The following HMG20B variants were observed in gnomAD, a reference collection of about 807,000 sequenced individuals.
HMG20B encodes the protein SWI/SNF-related matrix-associated actin-dependent regulator of chromatin subfamily E member 1-related.
Under a neutral mutation model 41.6 loss-of-function variants are expected in HMG20B, and 24 were observed. The observed-to-expected ratio is 0.58, with a 90% confidence interval of 0.42 to 0.81. The LOEUF (loss-of-function observed/expected upper bound fraction) is 0.81, where lower values mean the gene tolerates loss of function less well. Among genes scored for constraint, HMG20B ranks in the 30% least tolerant of loss-of-function variants. The pLI is 0.00. For synonymous variants in HMG20B, 251 were observed against 186.6 expected, an observed-to-expected ratio of 1.34 and a Z score of -2.81; for missense variants, 461 against 444.0, an observed-to-expected ratio of 1.04 and a Z score of -0.34.
Position 3,576,339 on chromosome 19 carries a change from G to T in HMG20B, c.519+32G>T, listed in dbSNP as rs757155458. On this transcript the variant is annotated intron_variant, in intron 6 of 9. Coordinates refer to ENST00000333651, the MANE Select transcript of HMG20B (RefSeq NM_006339.3). The stretch of plus-strand genomic sequence containing the variant: ...GACCTTCTTCCTCTCAAAGCACCTG[G>T]GGGAGAAAGGTCTGGAGGCTTCTAG... 4.0e-5 allele frequency: 65 copies of T among 1,607,304 alleles called. No homozygotes were observed. In the South Asian group the frequency reaches 5.8e-4, roughly 14 times the overall value.
intron 1 of HMG20B, 44 bp downstream of exon 1, chr19:3,573,038 G>C: frequency 2.3e-6 from 1 of 431,040 alleles, no homozygotes; most frequent in Non-Finnish European, 4.2e-6. Flanking sequence ...GGGGGCGGGG[G>C]TGCAGGGGTC....
chr19:3,573,288 C>G lies in HMG20B; in HGVS notation c.-18-4C>G. On this transcript the variant is annotated splice_polypyrimidine_tract_variant and splice_region_variant and intron_variant, in intron 1 of 9. Coordinates refer to ENST00000333651, the MANE Select transcript of HMG20B (RefSeq NM_006339.3). ...ACTCACCTCCGCCCGCGTCCGTGTT[C>G]CAGGTCCGGCCCGGAGCGGCCATGT... 6.6e-7 allele frequency: 1 copy of G among 1,521,658 alleles called. No individual in the cohort carries two copies. Among genetic ancestry groups the G allele is most frequent in the Non-Finnish European group, 8.8e-7 (1 of 1,138,440 alleles). 94.3% of individuals were successfully genotyped at this position (1,521,658 alleles called of 1,614,324 possible).
chr19:3,575,955 A>T (rs905610858), intron 5 of HMG20B: 2 of 505,008 alleles, frequency 4.0e-6, no homozygotes, highest in Non-Finnish European at 7.0e-6. Flanking sequence ...AAAAAAAAAA[A>T]AAAAGAAAAA....
chr19:3,576,843 G>A (rs760220093), intron 7 of HMG20B, 49 bp from the exon 8 acceptor site: 3 of 1,539,928 alleles, frequency 1.9e-6, no homozygotes, highest in Non-Finnish European at 1.8e-6. Flanking sequence ...AAGCCCGGAG[G>A]TAGGGGAAAG....
rs1158650350 is a variant in HMG20B, at chr19:3,575,618, A to C, written c.430A>C (p.Lys144Gln). The C allele has an allele frequency of 1.9e-6, 3 of 1,552,026 alleles. No individual in the cohort carries two copies. In the East Asian group the frequency reaches 7.3e-5, roughly 38 times the overall value. The change falls in exon 5 of 10, where the codon AAG becomes CAG. Residue 144 changes from lysine (K) to glutamine (Q), a missense_variant. Lys to Gln is a moderately conservative substitution (Grantham distance 53). Coordinates refer to ENST00000333651, the MANE Select transcript of HMG20B (RefSeq NM_006339.3). ...LRAYQQSEAY[K>Q]MCTEKIQEKK... ...GGCGTACCAGCAGTCTGAAGCCTAT[A>C]AGATGTGCACGGAGAAGATCCAGGA...
At chr19:3,577,170 C>CT (rs2032184388) in intron 8 of HMG20B, 63 bp downstream of exon 8, 17 of 1,167,128 alleles carry the variant, frequency 1.5e-5, no homozygotes, top group Admixed American at 2.9e-5. Flanking sequence ...CCTCCCCCCC[C>CT]CTCCTCCCTT....
At chr19:3,574,085 CCAG>C (rs1423948237) in intron 3 of HMG20B, 11 of 638,230 alleles carry the variant, frequency 1.7e-5, no homozygotes, top group Non-Finnish European at 2.8e-5. Context: ...GGCCCGTTCT[CCAG>C]CAGAAAACCA....
chr19:3,576,228 G>A, intron 5 of HMG20B, 33 bp from the exon 6 acceptor site: 1 of 1,611,004 alleles, frequency 6.2e-7, no homozygotes, highest in Non-Finnish European at 8.5e-7. Context: ...GGAGGCCTGG[G>A]AGGCTGACCC....
At chr19:3,574,044 T>G in intron 3 of HMG20B, 1 of 659,152 alleles carries the variant, frequency 1.5e-6, no homozygotes, top group Non-Finnish European at 2.7e-6. Flanking sequence ...CTTCCACTCC[T>G]TGGGGGCGGC....
intron 7 of HMG20B, 57 bp downstream of exon 7, chr19:3,576,682 G>T: frequency 6.6e-7 from 1 of 1,507,400 alleles, no homozygotes; most frequent in Middle Eastern, 1.7e-4. Flanking sequence ...GTAGAGGGGG[G>T]CGTGGGCCAG....
At chr19:3,577,506 C>A (rs1387910681) in intron 8 of HMG20B, among the ~76,000 whole-genome samples, 1 of 146,610 alleles carries the variant, frequency 6.8e-6, no homozygotes, top group Non-Finnish European at 1.5e-5. Context: ...CCTACCGGCC[C>A]CACCGTCGCT....
chr19:3,573,701 C>T lies in HMG20B; in HGVS notation c.48C>T (p.Gly16=). Residue 16 remains glycine, a synonymous_variant, in exon 3 of 10, where the codon GGC becomes GGT. Coordinates refer to ENST00000333651, the MANE Select transcript of HMG20B (RefSeq NM_006339.3). ...GTATCCTTGGCTCCAGGCCGGCGGGCGGCAAGGCTCCGGGCCAGCATGGGG... is the reference window on the plus strand; with the variant it reads ...GTATCCTTGGCTCCAGGCCGGCGGGTGGCAAGGCTCCGGGCCAGCATGGGG... ...KQPGAAAAPA[G]GKAPGQHGGF... 3 of 1,502,094 alleles carry T rather than the reference C, an allele frequency of 2.0e-6. No individual in the cohort carries two copies. The highest frequency in any genetic ancestry group is 1.8e-6 in the Non-Finnish European group (2 of 1,130,566). 93.0% of individuals were successfully genotyped at this position (1,502,094 alleles called of 1,614,324 possible).
intron 8 of HMG20B, among the ~76,000 whole-genome samples, chr19:3,577,348 TC>T (rs2032192684): frequency 8.1e-6 from 1 of 122,728 alleles, no homozygotes; most frequent in African/African-American, 3.1e-5. Flanking sequence ...ACACCCGAGC[TC>T]CGCTCCGCGC....
At position 3,578,045 on chromosome 19, in the gene HMG20B, C is replaced by T. The variant is rs750945061; in HGVS notation, c.873C>T (p.Ile291=). 1.9e-6 allele frequency: 3 copies of T among 1,610,516 alleles called. No homozygotes were observed. Among genetic ancestry groups the T allele is most frequent in the Non-Finnish European group, 2.5e-6 (3 of 1,179,186 alleles). ...ACATGGCCCGGCTTCACGGAGCCATCGAGCGCGACCCCGCCCAGCACGAGA... is the reference window on the plus strand; with the variant it reads ...ACATGGCCCGGCTTCACGGAGCCATTGAGCGCGACCCCGCCCAGCACGAGA... ...DFYMARLHGA[I]ERDPAQHEKL... The change falls in exon 9 of 10, where the codon ATC becomes ATT. Residue 291 remains isoleucine, a synonymous_variant. Coordinates refer to ENST00000333651, the MANE Select transcript of HMG20B (RefSeq NM_006339.3).
chr19:3,578,679 C>G lies in HMG20B; in HGVS notation c.*158C>G, dbSNP rs1220777117. ...CCTAAAATTAAATTTCTGCAGCATC[C>G]CTTTAGCTTTCAATCTCCCCAGCCC... On this transcript the variant is annotated 3_prime_UTR_variant, in exon 10 of 10. Coordinates refer to ENST00000333651, the MANE Select transcript of HMG20B (RefSeq NM_006339.3). The G allele has an allele frequency of 1.0e-6, 1 of 970,174 alleles. No individual in the cohort carries two copies. The highest frequency in any genetic ancestry group is 2.0e-5 in the Admixed American group (1 of 50,562). The allele number at this position is 970,174 out of a possible 1,614,324, so 60.1% of individuals were successfully genotyped here.
chr19:3,575,970 A>G, intron 5 of HMG20B: 4 of 496,662 alleles, frequency 8.1e-6, no homozygotes, highest in South Asian at 2.9e-5. Context: ...GAAAAAGAAA[A>G]ATGAAAGGTG....
intron 8 of HMG20B, among the ~76,000 whole-genome samples, chr19:3,577,366 A>T (rs1261852568): frequency 7.5e-6 from 1 of 133,310 alleles, no homozygotes; most frequent in Non-Finnish European, 1.6e-5. Context: ...GCGCCCCGTT[A>T]CTCGGCCGGC....
At position 3,578,587 on chromosome 19, in the gene HMG20B, G is replaced by T; in HGVS notation, c.*66G>T. On this transcript the variant is annotated 3_prime_UTR_variant, in exon 10 of 10. Coordinates refer to ENST00000333651, the MANE Select transcript of HMG20B (RefSeq NM_006339.3). ...GCGGCCCTGCCACACCCCACCCCGT[G>T]GACGAGAGGCTGGGGGTCCACCCTT... The T allele has an allele frequency of 6.5e-7, 1 of 1,547,378 alleles. No homozygotes were observed. The highest frequency in any genetic ancestry group is 1.2e-5 in the South Asian group (1 of 84,004).
intron 3 of HMG20B, chr19:3,574,005 C>G (rs1451473232): frequency 5.7e-6 from 4 of 698,428 alleles, no homozygotes; most frequent in Non-Finnish European, 1.0e-5. Flanking sequence ...CGCACAATGC[C>G]AGCTCTGCCC....
Sources: allele counts gnomAD v4.1 joint callset (sites outside exome capture counted in the v4.1 genomes callset), GRCh38; gene constraint gnomAD v4.1.1; transcripts MANE v1.5; gene names NCBI Gene and HGNC (gene_info 2026-07-23, HGNC 2026-07-21).